The following C5 variants were observed in gnomAD, a reference collection of about 807,000 sequenced individuals.
C5 encodes the protein C3 and PZP-like alpha-2-macroglobulin domain-containing protein 4.
Under a neutral mutation model 218.8 loss-of-function variants are expected in C5, and 140 were observed. That is an observed-to-expected ratio of 0.64 (90% CI 0.56 to 0.74). C5 has a LOEUF of 0.74. Ranked by LOEUF, C5 falls within the 30% of genes least tolerant of loss-of-function variation. C5 has a pLI of 0.00. For missense variants in C5, 1,700 were observed against 1,969.6 expected (o/e 0.86, Z 2.59); for synonymous variants, 614 against 682.3 (o/e 0.90, Z 1.56).
At chr9:120,956,352 T>G (rs1005737767) in intron 39 of C5, among the ~76,000 whole-genome samples, 1 of 151,686 alleles carries the variant, frequency 6.6e-6, no homozygotes, top group African/African-American at 2.4e-5. Flanking sequence ...TGCCTAGGAA[T>G]ACAGCTAACT....
intron 8 of C5, 51 bp from the exon 9 acceptor site, chr9:121,025,631 G>A: frequency 6.4e-7 from 1 of 1,568,860 alleles, no homozygotes; most frequent in South Asian, 1.1e-5. Flanking sequence ...AACTTATAAG[G>A]AAAAATTAAT....
At chr9:121,070,407 AT>A in the C5 span, among the ~76,000 whole-genome samples, 2 of 136,898 alleles carry the variant, frequency 1.5e-5, no homozygotes, top group African/African-American at 5.7e-5. Flanking sequence ...ATATATATAT[AT>A]ATATATATAT....
At chr9:121,008,927 CACAAACAA>C (rs60617637) in intron 17 of C5, among the ~76,000 whole-genome samples, 6 of 150,314 alleles carry the variant, frequency 4.0e-5, no homozygotes, top group Admixed American at 1.3e-4. Flanking sequence ...GAGACTCTGT[CACAAACAA>C]ACAAACAAAC....
intron 15 of C5, among the ~76,000 whole-genome samples, chr9:121,015,872 T>C (rs1249757018): frequency 1.3e-5 from 2 of 152,172 alleles, no homozygotes; most frequent in East Asian, 1.9e-4. Flanking sequence ...AGAGGTCTCG[T>C]AGAGGCGATG....
intron 5 of C5, among the ~76,000 whole-genome samples, chr9:121,033,032 G>T (rs1427193153): frequency 6.6e-6 from 1 of 151,590 alleles, no homozygotes; most frequent in African/African-American, 2.4e-5. Flanking sequence ...GTGTGTGTGT[G>T]TGTGTGTATG....
At chr9:121,036,642 T>G (rs940400241) in intron 4 of C5, among the ~76,000 whole-genome samples, 1 of 152,180 alleles carries the variant, frequency 6.6e-6, no homozygotes, top group African/African-American at 2.4e-5. Flanking sequence ...GTCTTCACTA[T>G]TTTTAAATAA....
rs764860724 is a variant in C5, at chr9:121,050,180, AC to A, written c.65+1del. On this transcript the variant is annotated splice_donor_variant, in intron 1 of 40. Coordinates refer to ENST00000223642, the MANE Select transcript of C5 (RefSeq NM_001735.3). LOFTEE classifies it high-confidence loss of function. ...AAAATGAAGATAGCTTGTTTTACTT[AC>A]GTTTGCTCCTGTCCCCAGGTTTTCC... The A allele has an allele frequency of 3.1e-6, 5 of 1,609,340 alleles. No homozygotes were observed. The East Asian group carries it at 1.1e-4, about 36-fold the overall frequency.
intron 39 of C5, among the ~76,000 whole-genome samples, chr9:120,956,464 A>C (rs1008657549): frequency 2.0e-5 from 3 of 152,336 alleles, no homozygotes; most frequent in Admixed American, 6.5e-5. Flanking sequence ...CATGGATAGG[A>C]AGAATTAATA....
intron 8 of C5, 92 bp downstream of exon 8, chr9:121,027,068 G>A (rs564249824): frequency 1.3e-6 from 1 of 749,064 alleles, no homozygotes; most frequent in East Asian, 2.7e-5. Flanking sequence ...TATCTAAAAT[G>A]GGGGATTGGA....
At position 120,960,204 on chromosome 9, in the gene C5, A is replaced by C. The variant is rs768701374; in HGVS notation, c.4678+44T>G. ...TCTTTCTAACTGAACACATATTCAT[A>C]AAATTTCATGTTTAAAGGAGCTATA... On this transcript the variant is annotated intron_variant, in intron 38 of 40. Transcript: ENST00000223642. 6 of 1,255,530 alleles carry C rather than the reference A, an allele frequency of 4.8e-6. No homozygotes were observed. In the East Asian group the frequency reaches 1.4e-4, roughly 29 times the overall value. 77.8% of individuals were successfully genotyped at this position (1,255,530 alleles called of 1,614,324 possible).
intron 32 of C5, among the ~76,000 whole-genome samples, 154 bp from the exon 33 acceptor site, chr9:120,969,272 T>C (rs981047312): frequency 7.2e-6 from 1 of 139,616 alleles, no homozygotes; most frequent in Non-Finnish European, 1.6e-5. Context: ...TTTCAGTGGT[T>C]CTAATGGAAA....
chr9:120,965,872 T>A (rs2046863769), intron 33 of C5, among the ~76,000 whole-genome samples: 1 of 152,204 alleles, frequency 6.6e-6, no homozygotes, highest in South Asian at 2.1e-4. Context: ...ACTGTTTCAA[T>A]GGTGGAACAG....
intron 1 of C5, among the ~76,000 whole-genome samples, chr9:121,048,323 G>A (rs541282165): frequency 3.9e-5 from 6 of 152,350 alleles, no homozygotes; most frequent in Admixed American, 1.3e-4. Context: ...AGCAGGAGGT[G>A]AGCAGTGGGG....
chr9:120,990,914 G>A (rs2047072253), intron 23 of C5, among the ~76,000 whole-genome samples: 1 of 152,134 alleles, frequency 6.6e-6, no homozygotes, highest in Non-Finnish European at 1.5e-5. Context: ...GAAGCAACTG[G>A]ACCCCCATTT....
At chr9:120,956,753 A>T (rs2046787668) in intron 39 of C5, among the ~76,000 whole-genome samples, 1 of 152,232 alleles carries the variant, frequency 6.6e-6, no homozygotes, top group South Asian at 2.1e-4. Context: ...AAATAAAGCC[A>T]CTATCCTAAG....
chr9:121,018,794 GAA>G (rs1587982561), intron 12 of C5, among the ~76,000 whole-genome samples: 1 of 145,288 alleles, frequency 6.9e-6, no homozygotes, highest in East Asian at 2.0e-4. Flanking sequence ...AGGAAGGAAG[GAA>G]GGAAGAAAGA....
intron 17 of C5, among the ~76,000 whole-genome samples, chr9:121,010,369 A>C (rs570469620): frequency 6.6e-6 from 1 of 152,338 alleles, no homozygotes; most frequent in East Asian, 1.9e-4. Flanking sequence ...AAATTTAAAA[A>C]GTAATACCAT....
rs746726813 is a variant in C5, at chr9:120,961,547, A to G, written c.4523T>C (p.Phe1508Ser). 5 of 1,611,286 alleles carry G rather than the reference A, an allele frequency of 3.1e-6. No individual in the cohort carries two copies. In the African/African-American group the frequency reaches 4.0e-5, roughly 13 times the overall value. ...AATTTTGATATTGGAAGTGCTATAA[A>G]ACATGGTACACTGTTTATCTGTGGC... ...YHRPDKQCTM[F>S]YSTSNIKIQK... is the part of the protein sequence containing the mutation. Residue 1508 changes from phenylalanine to serine, a missense_variant, in exon 37 of 41, where the codon TTT (phenylalanine) becomes TCT (serine). Transcript: ENST00000223642.
At chr9:120,982,157 G>A (rs79210660) in intron 26 of C5, among the ~76,000 whole-genome samples, 8 of 152,156 alleles carry the variant, frequency 5.3e-5, no homozygotes, top group Non-Finnish European at 1.2e-4. Context: ...TACTACAGGC[G>A]TGCACTACCA....
Sources: gnomAD v4.1 joint callset for allele counts (sites outside exome capture counted in the v4.1 genomes callset) on GRCh38, gnomAD v4.1.1 for gene constraint, MANE v1.5 for transcripts, NCBI Gene and HGNC (gene_info 2026-07-23, HGNC 2026-07-21) for gene names.